Variants in PLXNC1 observed in about 807,000 individuals in gnomAD.
PLXNC1 encodes plexin C1.
In PLXNC1, 75 loss-of-function variants were observed where a neutral mutation model predicts 178.2. The ratio of observed to expected loss-of-function variants is 0.42; its 90% CI spans 0.35 to 0.51. The LOEUF is 0.51. PLXNC1 is among the 20% of genes least tolerant of loss of function. The pLI, the probability that PLXNC1 is intolerant of heterozygous loss-of-function variation, is 0.02. For missense variants in PLXNC1, 1,503 were observed against 1,984.4 expected (o/e 0.76, Z 4.61); for synonymous variants, 790 against 779.9 (o/e 1.01, Z -0.22).
intron 17 of PLXNC1, among the ~76,000 whole-genome samples, chr12:94,257,865 CCA>C (rs772885336): frequency 9.1e-4 from 138 of 151,858 alleles, no homozygotes; most frequent in Non-Finnish European, 9.9e-4. Flanking sequence ...CGAGATAGCG[CCA>C]CACTGCACTC....
intron 5 of PLXNC1, among the ~76,000 whole-genome samples, chr12:94,218,990 A>G (rs945380065): frequency 2.0e-5 from 3 of 152,206 alleles, no homozygotes; most frequent in Non-Finnish European, 2.9e-5. Context: ...ATGTGTTTGG[A>G]TGGGAATAAT....
At chr12:94,256,178 G>A (rs202046510) in intron 17 of PLXNC1, 10 of 152,182 alleles carry the variant, frequency 6.6e-5, no homozygotes, top group South Asian at 6.2e-4. Flanking sequence ...TCTAAGCAAC[G>A]GCTGAAATCT....
chr12:94,191,938 T>C (rs1288004387), intron 4 of PLXNC1, among the ~76,000 whole-genome samples: 3 of 152,186 alleles, frequency 2.0e-5, no homozygotes, highest in African/African-American at 7.2e-5. Flanking sequence ...ATCTTGGGTT[T>C]GGAAGCAGTT....
intron 23 of PLXNC1, among the ~76,000 whole-genome samples, chr12:94,284,087 G>GAA (rs796439911): frequency 1.1e-3 from 90 of 82,650 alleles, no homozygotes; most frequent in Middle Eastern, 0.015. Context: ...CATGTCAGGG[G>GAA]AAAAAAAAAA....
intron 21 of PLXNC1, among the ~76,000 whole-genome samples, chr12:94,271,090 C>G (rs1377899975): frequency 6.6e-6 from 1 of 152,190 alleles, no homozygotes; most frequent in African/African-American, 2.4e-5. Context: ...TTTCTTCTCT[C>G]TTTAATTCAG....
intron 4 of PLXNC1, among the ~76,000 whole-genome samples, chr12:94,196,933 C>T (rs1479891543): frequency 6.6e-6 from 1 of 152,216 alleles, no homozygotes; most frequent in Non-Finnish European, 1.5e-5. Flanking sequence ...CTTAAAACAA[C>T]ATGCACTTGT....
chr12:94,228,582 C>T lies in PLXNC1; in HGVS notation c.1980+1347C>T, dbSNP rs142917876. Among the ~76,000 whole-genome samples, 896 of 152,266 alleles carry T rather than the reference C, an allele frequency of 5.9e-3. 5 individuals carry two copies. Among genetic ancestry groups the T allele is most frequent in the African/African-American group, 0.02 (849 of 41,544 alleles). ...ATAACTCTTCATCTCTCCTTCCCCCCAGCCCTTGGAAACCGCCATTCTAAT... is the reference window on the plus strand; with the variant it reads ...ATAACTCTTCATCTCTCCTTCCCCCTAGCCCTTGGAAACCGCCATTCTAAT... On this transcript the variant is annotated intron_variant, in intron 9 of 30. Transcript: ENST00000258526.
intron 4 of PLXNC1, among the ~76,000 whole-genome samples, chr12:94,209,361 G>T (rs1426577322): frequency 6.6e-6 from 1 of 151,906 alleles, no homozygotes. Flanking sequence ...GTCTACATTT[G>T]TTCTTTGCTC....
chr12:94,247,142 G>C (rs772954208), intron 12 of PLXNC1, among the ~76,000 whole-genome samples: 1 of 151,928 alleles, frequency 6.6e-6, no homozygotes, highest in African/African-American at 2.4e-5. Flanking sequence ...CAACTCCCGG[G>C]CTCACGTAAC....
intron 1 of PLXNC1, 50 bp from the exon 2 acceptor site, chr12:94,169,103 T>C: frequency 6.6e-7 from 1 of 1,519,808 alleles, no homozygotes; most frequent in East Asian, 2.4e-5. Flanking sequence ...TGAGAACTAT[T>C]GTTGTTAAAA....
At chr12:94,216,680 C>A (rs369262856) in intron 5 of PLXNC1, among the ~76,000 whole-genome samples, 1 of 152,198 alleles carries the variant, frequency 6.6e-6, no homozygotes, top group South Asian at 2.1e-4. Context: ...CATGAAGATG[C>A]TCTTGCCGTA....
chr12:94,149,694 C>T lies in PLXNC1; in HGVS notation c.723C>T (p.Asn241=), dbSNP rs1334304993. The T allele has an allele frequency of 6.2e-7, 1 of 1,611,568 alleles. No individual in the cohort carries two copies. Among genetic ancestry groups the T allele is most frequent in the Admixed American group, 1.7e-5 (1 of 59,770 alleles). The stretch of plus-strand genomic sequence containing the variant: ...ACTTCGTGGACGCCTTTCTCTGGAA[C>T]GGCAGCATCTACTTCCCCTACTACC... ...SLHFVDAFLW[N]GSIYFPYYPY... is the part of the protein sequence containing the mutation. The change falls in exon 1 of 31, where the codon AAC becomes AAT. Residue 241 remains asparagine (N), a synonymous_variant. Coordinates refer to ENST00000258526, the MANE Select transcript of PLXNC1 (RefSeq NM_005761.3).
At chr12:94,274,368 T>G (rs2136115062) in intron 21 of PLXNC1, among the ~76,000 whole-genome samples, 1 of 152,108 alleles carries the variant, frequency 6.6e-6, no homozygotes, top group Non-Finnish European at 1.5e-5. Flanking sequence ...TGGTTTTATG[T>G]GTTGGCCAGA....
At chr12:94,211,008 G>T (rs1443118664) in intron 5 of PLXNC1, among the ~76,000 whole-genome samples, 4 of 152,112 alleles carry the variant, frequency 2.6e-5, no homozygotes, top group Non-Finnish European at 5.9e-5. Context: ...TTTTTCTTAT[G>T]TTATTTATAA....
intron 28 of PLXNC1, among the ~76,000 whole-genome samples, chr12:94,303,060 G>A (rs1379167786): frequency 1.3e-5 from 2 of 152,106 alleles, no homozygotes; most frequent in Non-Finnish European, 2.9e-5. Flanking sequence ...TCTTCCCTGA[G>A]TAGAATTTTT....
chr12:94,153,228 C>A (rs1961024174), intron 1 of PLXNC1, among the ~76,000 whole-genome samples: 1 of 152,224 alleles, frequency 6.6e-6, no homozygotes, highest in South Asian at 2.1e-4. Flanking sequence ...CCAATGTCTA[C>A]ATCTCTACTC....
intron 1 of PLXNC1, among the ~76,000 whole-genome samples, chr12:94,164,122 C>T (rs530701538): frequency 4.8e-4 from 73 of 152,190 alleles, no homozygotes; most frequent in Non-Finnish European, 1.0e-3. Context: ...TGCAGGGCTC[C>T]TTCAGGGGTT....
intron 21 of PLXNC1, among the ~76,000 whole-genome samples, chr12:94,279,044 C>A (rs1037894733): frequency 1.6e-4 from 24 of 151,816 alleles, no homozygotes; most frequent in Admixed American, 1.1e-3. Flanking sequence ...GACCTCGTAA[C>A]CTTCCCTGTC....
chr12:94,217,828 C>G (rs537267107), intron 5 of PLXNC1, among the ~76,000 whole-genome samples: 116 of 152,300 alleles, frequency 7.6e-4, no homozygotes, highest in Admixed American at 1.0e-3. Context: ...TCTATAAGCT[C>G]TTTGAGGGCA....
Sources: allele counts gnomAD v4.1 joint callset (sites outside exome capture counted in the v4.1 genomes callset), GRCh38; gene constraint gnomAD v4.1.1; transcripts MANE v1.5; gene names NCBI Gene and HGNC (gene_info 2026-07-23, HGNC 2026-07-21).